CERKL: variants seen among roughly 807,000 people sequenced by gnomAD.
The protein encoded by CERKL is ceramide kinase-like protein.
A neutral mutation model predicts 63.4 loss-of-function variants in CERKL; 61 were observed. The observed-to-expected ratio is 0.96, with a 90% CI of 0.78 to 1.19. CERKL has a LOEUF of 1.19. Ranked by LOEUF, CERKL falls within the 50% of genes most tolerant of loss-of-function variation. The pLI, the probability that CERKL is intolerant of heterozygous loss-of-function variation, is 0.00. For synonymous variants in CERKL, 250 were observed against 230.5 expected, an observed-to-expected ratio of 1.08 and a Z score of -0.77; for missense variants, 675 against 655.5, an observed-to-expected ratio of 1.03 and a Z score of -0.33.
chr2:181,586,953 T>C (rs1361473829), intron 2 of CERKL, among the ~76,000 whole-genome samples: 1 of 152,156 alleles, frequency 6.6e-6, no homozygotes, highest in Non-Finnish European at 1.5e-5. Flanking sequence ...AACCAAGTTG[T>C]TGCAAAGATA....
chr2:181,558,853 T>C lies in CERKL; in HGVS notation c.678-145A>G. 2 of 780,206 alleles carry C rather than the reference T, an allele frequency of 2.6e-6. No homozygotes were observed. The highest frequency in any genetic ancestry group is 4.3e-6 in the Non-Finnish European group (2 of 461,508). The allele number at this position is 780,206 out of a possible 1,614,324, so 48.3% of individuals were successfully genotyped here. Reference sequence around the variant, plus strand: ...GTACCTTTAAACATGTTAATATGTGTCAATGGGTAAGACAACACAAACACA... The same window carrying C: ...GTACCTTTAAACATGTTAATATGTGCCAATGGGTAAGACAACACAAACACA... On this transcript the variant is annotated intron_variant, in intron 4 of 12. Transcript: ENST00000410087. The surrounding 1 kb of genome is among the most constrained non-coding windows in gnomAD (Gnocchi z 4.2).
rs1307536657 is a variant in CERKL at position 181,536,912 on chromosome 2, A to AAAAC, written c.*1268_*1271dup. On this transcript the variant is annotated 3_prime_UTR_variant, in exon 13 of 13. Transcript: ENST00000410087. ...TGATCAAATTAGAAGGCAATGTGGA[A>AAAAC]AAACAATTCTGGGAAAGATTTCTTT... is the stretch of plus-strand genomic sequence containing the variant. 1 of 453,540 alleles carries AAAAC rather than the reference A, an allele frequency of 2.2e-6. No homozygotes were observed. Among genetic ancestry groups the AAAAC allele is most frequent in the African/African-American group, 2.0e-5 (1 of 50,070 alleles). 28.1% of individuals were successfully genotyped at this position (453,540 alleles called of 1,614,324 possible).
At chr2:181,632,022 T>C (rs779467981) in intron 1 of CERKL, among the ~76,000 whole-genome samples, 33 of 152,228 alleles carry the variant, frequency 2.2e-4, no homozygotes, top group Non-Finnish European at 4.4e-4. Flanking sequence ...AGTGAGTTTA[T>C]TTATATTTCT....
rs149559092 is a variant in CERKL at position 181,638,623 on chromosome 2, T to C, written c.238+18146A>G. On this transcript the variant is annotated intron_variant, in intron 1 of 12. Transcript: ENST00000410087. ...TCCATCTTTGAGGATGAACTTGCCA[T>C]GCCATCCCAATGAGTGTAGTCATTA... 5.8e-3 allele frequency among the ~76,000 whole-genome samples: 882 copies of C among 152,354 alleles called. 9 individuals are homozygous for C. Among genetic ancestry groups the C allele is most frequent in the African/African-American group, 0.02 (851 of 41,582 alleles).
chr2:181,601,338 T>C (rs924363509), intron 2 of CERKL, among the ~76,000 whole-genome samples: 11 of 152,110 alleles, frequency 7.2e-5, no homozygotes, highest in Admixed American at 1.3e-4. Context: ...GGTGGGCAGA[T>C]TGCCTGAGCT....
chr2:181,564,336 T>C (rs1027518769), intron 4 of CERKL, among the ~76,000 whole-genome samples: 3 of 152,166 alleles, frequency 2.0e-5, no homozygotes, highest in African/African-American at 7.2e-5. Flanking sequence ...TTGAAATTAT[T>C]GTAAGTCTGA....
intron 1 of CERKL, among the ~76,000 whole-genome samples, chr2:181,634,843 C>T (rs1687106343): frequency 6.6e-6 from 1 of 152,086 alleles, no homozygotes; most frequent in South Asian, 2.1e-4. Context: ...TAATGTAAAG[C>T]AACACATAAC....
intron 2 of CERKL, among the ~76,000 whole-genome samples, chr2:181,600,039 G>A (rs968773045): frequency 1.3e-5 from 2 of 152,162 alleles, no homozygotes; most frequent in African/African-American, 4.8e-5. Flanking sequence ...GAGATCAGGG[G>A]CCTACTTTTA....
chr2:181,541,470 A>G (rs1406854757), intron 11 of CERKL, among the ~76,000 whole-genome samples: 1 of 152,202 alleles, frequency 6.6e-6, no homozygotes, highest in East Asian at 1.9e-4. Context: ...GGGTGGTAAT[A>G]AGAGGTGGGG....
intron 1 of CERKL, among the ~76,000 whole-genome samples, chr2:181,623,841 T>C (rs1262676852): frequency 6.6e-6 from 1 of 152,236 alleles, no homozygotes; most frequent in African/African-American, 2.4e-5. Context: ...TCATCCCTCT[T>C]AGCATGGGCA....
rs766319295 is a variant in CERKL, at chr2:181,544,778, C to T, written c.1287G>A (p.Met429Ile). ...APNTRLNNGS[M>I]ALIIARNTSR... The stretch of plus-strand genomic sequence containing the variant: ...AAGTGTTTCGGGCAATTATAAGAGC[C>T]ATACTTCCATTATTTAATCTGAAAT... Residue 429 changes from methionine to isoleucine, a missense_variant, in exon 11 of 13, where the codon ATG (methionine) becomes ATA (isoleucine). Met to Ile is a conservative substitution (Grantham distance 10, BLOSUM62 1). Coordinates refer to ENST00000410087, the MANE Select transcript of CERKL (RefSeq NM_201548.5). 5.6e-6 allele frequency: 9 copies of T among 1,599,558 alleles called. No individual in the cohort carries two copies. The South Asian group carries it at 1.0e-4, about 18-fold the overall frequency.
chr2:181,654,530 CCA>C (rs1688073120), intron 1 of CERKL, among the ~76,000 whole-genome samples: 1 of 152,158 alleles, frequency 6.6e-6, no homozygotes, highest in Non-Finnish European at 1.5e-5. Context: ...CTAATAATCT[CCA>C]GTGATCTCCC....
chr2:181,629,814 CAGAGTT>C (rs1226760962), intron 1 of CERKL, among the ~76,000 whole-genome samples: 1 of 152,024 alleles, frequency 6.6e-6, no homozygotes, highest in African/African-American at 2.4e-5. Flanking sequence ...CCAAGTTCCA[CAGAGTT>C]AGAGTTGAGA....
intron 2 of CERKL, among the ~76,000 whole-genome samples, chr2:181,586,444 GA>G (rs893029575): frequency 2.7e-5 from 4 of 149,436 alleles, no homozygotes; most frequent in Non-Finnish European, 5.9e-5. Flanking sequence ...TAAACTCCTT[GA>G]AAAAAAAAGA....
In CERKL at chr2:181,656,694, G is replaced by A. The variant is rs1222804632; in HGVS notation, c.238+75C>T. Reference sequence around the variant, plus strand: ...AAAGGGGAGGGTGGAGCAAAAGCTCGTGGGTGTAGGCCTTGGGCCGGGGAG... The same window carrying A: ...AAAGGGGAGGGTGGAGCAAAAGCTCATGGGTGTAGGCCTTGGGCCGGGGAG... On this transcript the variant is annotated intron_variant, in intron 1 of 12. Coordinates refer to ENST00000410087, the MANE Select transcript of CERKL (RefSeq NM_201548.5). 7 of 1,254,530 alleles carry A rather than the reference G, an allele frequency of 5.6e-6. No individual in the cohort carries two copies. In the African/African-American group the frequency reaches 9.2e-5, roughly 16 times the overall value. 77.7% of individuals were successfully genotyped at this position (1,254,530 alleles called of 1,614,324 possible).
intron 5 of CERKL, among the ~76,000 whole-genome samples, chr2:181,552,494 T>G (rs1429319613): frequency 1.3e-5 from 2 of 152,202 alleles, no homozygotes; most frequent in Non-Finnish European, 2.9e-5. Context: ...CTCCTTTGCC[T>G]TCCACCATGG....
chr2:181,577,744 A>C (rs575838634), intron 2 of CERKL, among the ~76,000 whole-genome samples: 1 of 152,170 alleles, frequency 6.6e-6, no homozygotes, highest in African/African-American at 2.4e-5. Flanking sequence ...CATGGGGTGG[A>C]AGAGGTAAGA....
intron 4 of CERKL, among the ~76,000 whole-genome samples, chr2:181,562,777 A>T (rs1688501677): frequency 6.6e-6 from 1 of 152,160 alleles, no homozygotes. Context: ...TGAACCCATC[A>T]TCTATGAAAT....
intron 1 of CERKL, among the ~76,000 whole-genome samples, chr2:181,608,297 T>G (rs1358855418): frequency 6.6e-6 from 1 of 152,110 alleles, no homozygotes; most frequent in African/African-American, 2.4e-5. Context: ...TTATATAGGT[T>G]GCAAATAACT....
Sources: allele counts gnomAD v4.1 joint callset (sites outside exome capture counted in the v4.1 genomes callset), GRCh38; gene constraint gnomAD v4.1.1; non-coding constraint Gnocchi (gnomAD v3.1); transcripts MANE v1.5; gene names NCBI Gene and HGNC (gene_info 2026-07-23, HGNC 2026-07-21).